Variants in ZNF624 observed in about 807,000 individuals in gnomAD.
ZNF624 encodes zinc finger protein 624.
A neutral mutation model predicts 74.7 loss-of-function variants in ZNF624; 43 were observed. That is an observed-to-expected ratio of 0.58 (90% CI 0.45 to 0.74). ZNF624 has a LOEUF of 0.74. Among genes scored for constraint, ZNF624 ranks in the 30% least tolerant of loss-of-function variants. The pLI is 0.00. For synonymous variants in ZNF624, 331 were observed against 341.3 expected, an observed-to-expected ratio of 0.97 and a Z score of 0.33; for missense variants, 820 against 1,030.0, an observed-to-expected ratio of 0.80 and a Z score of 2.79.
At chr17:16,647,263 G>A (rs981269019) in intron 3 of ZNF624, 66 bp downstream of exon 3, 1 of 1,322,590 alleles carries the variant, frequency 7.6e-7, no homozygotes, top group Non-Finnish European at 1.1e-6. Context: ...TGGGAACATT[G>A]AGAATCAGAG....
At chr17:16,629,720 C>G (rs1597492791) in intron 5 of ZNF624, among the ~76,000 whole-genome samples, 1 of 152,050 alleles carries the variant, frequency 6.6e-6, no homozygotes, top group South Asian at 2.1e-4. Context: ...GCCAGTGCCA[C>G]CATGCCTAGC....
In ZNF624 at chr17:16,620,988, T is replaced by A. The variant is rs1189105905; in HGVS notation, c.*1300A>T. ...GTTTTTACAGTCTCCCCTTCCCTTA[T>A]CTCTACTTCTCCTTTTCTCACTCCC... On this transcript the variant is annotated 3_prime_UTR_variant, in exon 6 of 6. Transcript: ENST00000311331. 2 of 152,160 alleles carry A rather than the reference T, an allele frequency of 1.3e-5. No individual in the cohort carries two copies. Among genetic ancestry groups the A allele is most frequent in the Admixed American group, 6.5e-5 (1 of 15,276 alleles). 9.4% of individuals were successfully genotyped at this position (152,160 alleles called of 1,614,324 possible). A position where few individuals can be genotyped will look rare whatever the true frequency, so the allele number is the denominator to read the frequency against.
At chr17:16,636,473 A>G (rs1909333157) in intron 3 of ZNF624, among the ~76,000 whole-genome samples, 1 of 152,234 alleles carries the variant, frequency 6.6e-6, no homozygotes, top group Non-Finnish European at 1.5e-5. Context: ...GGCCTCAGTT[A>G]GCTAGTATAT....
chr17:16,614,873 A>G, the ZNF624 span, among the ~76,000 whole-genome samples: 1 of 152,242 alleles, frequency 6.6e-6, no homozygotes, highest in Non-Finnish European at 1.5e-5. Flanking sequence ...CCAGGAATGC[A>G]AATTGCTTTA....
At chr17:16,629,154 C>A (rs1271076387) in intron 5 of ZNF624, among the ~76,000 whole-genome samples, 1 of 141,808 alleles carries the variant, frequency 7.1e-6, no homozygotes, top group African/African-American at 2.7e-5. Flanking sequence ...GCCGAGATCA[C>A]GTCACTGCAC....
chr17:16,634,822 T>C (rs1909289176), intron 3 of ZNF624, 66 bp from the exon 4 acceptor site: 2 of 1,496,632 alleles, frequency 1.3e-6, no homozygotes, highest in Admixed American at 4.3e-5. Context: ...GAATTATACA[T>C]AAAAAACTGG....
chr17:16,623,380 A>G lies in ZNF624; in HGVS notation c.1506T>C (p.Cys502=). The G allele has an allele frequency of 5.6e-6, 9 of 1,613,886 alleles. No homozygotes were observed. The highest frequency in any genetic ancestry group is 7.6e-6 in the Non-Finnish European group (9 of 1,179,828). Residue 502 remains cysteine, a synonymous_variant, in exon 6 of 6, where the codon TGT becomes TGC. Coordinates refer to ENST00000311331, the MANE Select transcript of ZNF624 (RefSeq NM_020787.4). This position sits in a 1 kb window ranked among gnomAD's most constrained non-coding sequence, Gnocchi z 5.3. The stretch of plus-strand genomic sequence containing the variant: ...GGTTGAATGCTTTCCCACATTCATT[A>G]CATTCATAGGGTTTTTCCCCAGTGT... ...RTHTGEKPYE[C]NECGKAFNRI...
chr17:16,649,626 T>G (rs369277694), intron 2 of ZNF624, 32 bp downstream of exon 2: 2 of 1,595,922 alleles, frequency 1.3e-6, no homozygotes, highest in Non-Finnish European at 1.7e-6. Flanking sequence ...CAAACCAAGA[T>G]AGTAGGTCAA....
At chr17:16,627,240 T>G (rs1294133839) in intron 5 of ZNF624, among the ~76,000 whole-genome samples, 1 of 152,176 alleles carries the variant, frequency 6.6e-6, no homozygotes, top group African/African-American at 2.4e-5. Context: ...TGTTGTTATA[T>G]TAGTAATTAG....
intron 1 of ZNF624, among the ~76,000 whole-genome samples, chr17:16,651,445 A>G (rs1909721908): frequency 1.3e-5 from 2 of 151,848 alleles, no homozygotes; most frequent in South Asian, 4.2e-4. Flanking sequence ...AAAAAAAAAA[A>G]AGTGAGTATC....
At chr17:16,626,004 C>T (rs1165501671) in intron 5 of ZNF624, among the ~76,000 whole-genome samples, 1 of 151,366 alleles carries the variant, frequency 6.6e-6, no homozygotes, top group East Asian at 1.9e-4. Context: ...GGCTGGAGTA[C>T]AGTGGCACAA....
Position 16,622,901 on chromosome 17 carries a change from T to C in ZNF624, c.1985A>G (p.His662Arg). 6.2e-7 allele frequency: 1 copy of C among 1,614,094 alleles called. No individual in the cohort carries two copies. The highest frequency in any genetic ancestry group is 8.5e-7 in the Non-Finnish European group (1 of 1,179,960). The change falls in exon 6 of 6, where the codon CAT becomes CGT. Residue 662 changes from histidine (H) to arginine (R), a missense_variant. Physicochemically the swap from His to Arg is conservative, Grantham distance 29. Coordinates refer to ENST00000311331, the MANE Select transcript of ZNF624 (RefSeq NM_020787.4). Reference protein sequence around the residue: ...KSYLIVHQRTHTGEKPYKCNE... With the variant: ...KSYLIVHQRTRTGEKPYKCNE... ...ACATTTATATGGTTTTTCTCCAGTA[T>C]GGGTCCTCTGATGTACAATAAGGTA...
chr17:16,622,043 T>G lies in ZNF624; in HGVS notation c.*245A>C. 2 of 296,616 alleles carry G rather than the reference T, an allele frequency of 6.7e-6. No homozygotes were observed. Among genetic ancestry groups the G allele is most frequent in the Non-Finnish European group, 1.2e-5 (2 of 162,202 alleles). The allele number at this position is 296,616 out of a possible 1,614,324, so 18.4% of individuals were successfully genotyped here. On this transcript the variant is annotated 3_prime_UTR_variant, in exon 6 of 6. Coordinates refer to ENST00000311331, the MANE Select transcript of ZNF624 (RefSeq NM_020787.4). ...TATATAGGCAATTAACTAAAGATAA[T>G]TTGTTAAATGAGTAAAGTATGAAAT...
In ZNF624 at chr17:16,622,714, A is replaced by C; in HGVS notation, c.2172T>G (p.Phe724Leu). ...HQRTHTGEKP[F>L]KCNDCGKAFS... ...ATGCTTTCCCACAGTCATTACATTT[A>C]AATGGTTTCTCTCCAGTATGTGTTC... The change falls in exon 6 of 6, where the codon TTT (phenylalanine) becomes TTG (leucine). Residue 724 changes from phenylalanine to leucine, a missense_variant. By Grantham distance (22) the Phe-to-Leu change is conservative (BLOSUM62 0). Coordinates refer to ENST00000311331, the MANE Select transcript of ZNF624 (RefSeq NM_020787.4). 6.2e-7 allele frequency: 1 copy of C among 1,613,878 alleles called. No individual in the cohort carries two copies. Among genetic ancestry groups the C allele is most frequent in the Non-Finnish European group, 8.5e-7 (1 of 1,179,980 alleles).
Position 16,633,900 on chromosome 17 carries a change from C to T in ZNF624, c.338G>A (p.Trp113Ter). ...TCTTGAAATTTCTCTCACCGTCACC[C>T]ATGGTCCTTTCCCATTCTCCAAATG... ...ISHLENGKGP[W>*]VTVREISRIP... is the part of the protein sequence containing the mutation. The change falls in exon 5 of 6, where the codon TGG becomes TAG. Residue 113 changes from tryptophan to a stop codon, truncating the protein, a stop_gained. Coordinates refer to ENST00000311331, the MANE Select transcript of ZNF624 (RefSeq NM_020787.4). LOFTEE classifies it high-confidence loss of function. 6.2e-7 allele frequency: 1 copy of T among 1,613,740 alleles called. No individual in the cohort carries two copies. Among genetic ancestry groups the T allele is most frequent in the Non-Finnish European group, 8.5e-7 (1 of 1,179,724 alleles).
chr17:16,617,517 A>T, downstream of ZNF624: 4 of 1,585,302 alleles, frequency 2.5e-6, no homozygotes, highest in Non-Finnish European at 3.5e-6. Flanking sequence ...AATCTCTCCA[A>T]CTGCACAGAC....
In ZNF624 at chr17:16,623,320, G is replaced by A. The variant is rs772404699; in HGVS notation, c.1566C>T (p.His522=). 1.5e-5 allele frequency: 24 copies of A among 1,613,584 alleles called. No individual in the cohort carries two copies. The highest frequency in any genetic ancestry group is 1.9e-5 in the Non-Finnish European group (22 of 1,179,648). ...IANFTEHQRI[H]TGEKPYKCNE... ...TACATTTATAGGGTTTTTCTCCTGT[G>A]TGAATTCGCTGATGTTCTGTGAAAT... Residue 522 remains histidine, a synonymous_variant, in exon 6 of 6, where the codon CAC becomes CAT. Coordinates refer to ENST00000311331, the MANE Select transcript of ZNF624 (RefSeq NM_020787.4). This position sits in a 1 kb window ranked among gnomAD's most constrained non-coding sequence, Gnocchi z 5.3.
chr17:16,635,825 T>A (rs1432000331), intron 3 of ZNF624, among the ~76,000 whole-genome samples: 1 of 150,056 alleles, frequency 6.7e-6, no homozygotes, highest in African/African-American at 2.5e-5. Context: ...AAAAACTCCA[T>A]AGTTCTGAGT....
chr17:16,624,934 G>A (rs192347405), intron 5 of ZNF624: 61 of 164,024 alleles, frequency 3.7e-4, no homozygotes, highest in African/African-American at 1.4e-3. Flanking sequence ...TTATTTGTGA[G>A]GCTGAGGTGG....
Sources: allele counts gnomAD v4.1 joint callset (sites outside exome capture counted in the v4.1 genomes callset), GRCh38; gene constraint gnomAD v4.1.1; non-coding constraint Gnocchi (gnomAD v3.1); transcripts MANE v1.5; gene names NCBI Gene and HGNC (gene_info 2026-07-23, HGNC 2026-07-21).